DLGAP4: variants seen among roughly 807,000 people sequenced by gnomAD.
The protein encoded by DLGAP4 is DLG associated protein 4, also known as disks large-associated protein 4.
DLGAP4 carries 18 observed loss-of-function variants against 86.9 expected under a neutral mutation model. The observed-to-expected ratio is 0.21, with a 90% confidence interval of 0.14 to 0.31. The LOEUF is 0.31. Among genes scored for constraint, DLGAP4 ranks in the 10% least tolerant of loss-of-function variants. The pLI is 1.00. For missense variants in DLGAP4, 1,085 were observed against 1,362.6 expected (o/e 0.80, Z 3.21); for synonymous variants, 548 against 574.3 (o/e 0.95, Z 0.65).
intron 1 of DLGAP4, among the ~76,000 whole-genome samples, chr20:36,321,586 A>AGCGC (rs1215184478): frequency 2.6e-5 from 4 of 152,260 alleles, no homozygotes; most frequent in African/African-American, 9.6e-5. Context: ...CGCCCGCCTC[A>AGCGC]GCGCGTTTCA....
In DLGAP4 at chr20:36,523,804, C is replaced by T. The variant is rs565876988; in HGVS notation, c.2513-446C>T. 1.4e-4 allele frequency among the ~76,000 whole-genome samples: 22 copies of T among 152,308 alleles called. 1 individual carries two copies. Among genetic ancestry groups the T allele is most frequent in the African/African-American group, 4.8e-4 (20 of 41,564 alleles). ...TCAGCCTCCTGAGTAGCTGGGATTA[C>T]AGGCATCTGCCATTATGTCCGGCTA... On this transcript the variant is annotated intron_variant, in intron 10 of 12. Coordinates refer to ENST00000339266, the MANE Select transcript of DLGAP4 (RefSeq NM_001365621.2).
In DLGAP4 at chr20:36,480,065, G is replaced by A. The variant is rs115232553; in HGVS notation, c.1649-16640G>A. On this transcript the variant is annotated intron_variant, in intron 7 of 12. Transcript: ENST00000339266. ...CCTAGGGCAATAGACAGGGCAAGCC[G>A]CATTATTCTCATTTTATAGATGGGA... Among the ~76,000 whole-genome samples, 666 of 152,232 alleles carry A rather than the reference G, an allele frequency of 4.4e-3. 7 individuals carry two copies. Among genetic ancestry groups the A allele is most frequent in the African/African-American group, 0.015 (606 of 41,530 alleles).
intron 1 of DLGAP4, among the ~76,000 whole-genome samples, chr20:36,326,093 A>G (rs782672496): frequency 6.6e-6 from 1 of 152,048 alleles, no homozygotes; most frequent in Non-Finnish European, 1.5e-5. Flanking sequence ...ATATTTTTTC[A>G]TCCTTTTACT....
intron 7 of DLGAP4, among the ~76,000 whole-genome samples, chr20:36,481,434 CTT>C (rs1227412783): frequency 1.3e-5 from 2 of 152,182 alleles, no homozygotes; most frequent in African/African-American, 2.4e-5. Flanking sequence ...CCATCCCTCA[CTT>C]TACGCTAAGC....
chr20:36,443,645 G>T (rs1348731269), intron 6 of DLGAP4, among the ~76,000 whole-genome samples: 2 of 152,074 alleles, frequency 1.3e-5, no homozygotes, highest in East Asian at 3.9e-4. Context: ...ATAGGCGAGT[G>T]GTAAGGATGT....
At chr20:36,484,494 A>T (rs1212341835) in intron 7 of DLGAP4, among the ~76,000 whole-genome samples, 6 of 152,258 alleles carry the variant, frequency 3.9e-5, no homozygotes, top group Non-Finnish European at 8.8e-5. Flanking sequence ...GGTCCCTCTC[A>T]GGCCTCTGCT....
intron 1 of DLGAP4, among the ~76,000 whole-genome samples, chr20:36,328,099 T>C (rs1025192867): frequency 2.0e-5 from 3 of 151,938 alleles, no homozygotes; most frequent in Non-Finnish European, 4.4e-5. Context: ...CTCAGGAGGC[T>C]GAGGCAGGAG....
chr20:36,346,711 A>T (rs1555893034), intron 1 of DLGAP4, among the ~76,000 whole-genome samples: 3 of 150,692 alleles, frequency 2.0e-5, no homozygotes. Context: ...GTGTTTTAGG[A>T]CCCATTTTTT....
chr20:36,509,002 G>C (rs918857153), intron 10 of DLGAP4, among the ~76,000 whole-genome samples: 5 of 152,228 alleles, frequency 3.3e-5, no homozygotes, highest in Non-Finnish European at 5.9e-5. Context: ...ATTAAAACCA[G>C]TTGATTTATT....
Position 36,483,833 on chromosome 20 carries a change from C to T in DLGAP4, c.1649-12872C>T, listed in dbSNP as rs921162837. Among the ~76,000 whole-genome samples, 4 of 152,208 alleles carry T rather than the reference C, an allele frequency of 2.6e-5. No homozygotes were observed. In the East Asian group the frequency reaches 7.7e-4, roughly 29 times the overall value. ...GTTCTGCACCAGCGGTCACCAGGCC[C>T]CTGTCCTCATGGTCAGCAGAGCCAG... On this transcript the variant is annotated intron_variant, in intron 7 of 12. Coordinates refer to ENST00000339266, the MANE Select transcript of DLGAP4 (RefSeq NM_001365621.2).
chr20:36,441,156 G>T (rs1210538794), intron 5 of DLGAP4, among the ~76,000 whole-genome samples: 2 of 152,092 alleles, frequency 1.3e-5, no homozygotes, highest in African/African-American at 4.8e-5. Context: ...ACCTCCCCCT[G>T]AGGGAAAGCC....
At chr20:36,482,853 G>A (rs1425076790) in intron 7 of DLGAP4, among the ~76,000 whole-genome samples, 1 of 152,012 alleles carries the variant, frequency 6.6e-6, no homozygotes, top group East Asian at 1.9e-4. Flanking sequence ...TGTATTTTTA[G>A]TAGAGACAGG....
intron 4 of DLGAP4, among the ~76,000 whole-genome samples, chr20:36,439,466 C>T (rs908341554): frequency 3.9e-5 from 6 of 152,196 alleles, no homozygotes; most frequent in Non-Finnish European, 8.8e-5. Context: ...ACTCGAACAT[C>T]GCAGCAGAGC....
intron 2 of DLGAP4, among the ~76,000 whole-genome samples, chr20:36,416,100 A>C (rs949178803): frequency 2.0e-5 from 3 of 152,122 alleles, no homozygotes; most frequent in African/African-American, 7.2e-5. Context: ...TCATTATCTA[A>C]GCCATGACTT....
chr20:36,405,404 A>G (rs2032288590), intron 2 of DLGAP4, among the ~76,000 whole-genome samples: 1 of 152,218 alleles, frequency 6.6e-6, no homozygotes, highest in Non-Finnish European at 1.5e-5. Context: ...TGCTTAGAAC[A>G]GAGTCTGATA....
chr20:36,462,310 C>G, intron 7 of DLGAP4: 1 of 1,345,150 alleles, frequency 7.4e-7, no homozygotes, highest in Non-Finnish European at 9.5e-7. Flanking sequence ...CTCCGAGCAC[C>G]CCCACTTCTC....
chr20:36,338,433 G>A (rs1468374886), intron 1 of DLGAP4, among the ~76,000 whole-genome samples: 1 of 152,196 alleles, frequency 6.6e-6, no homozygotes, highest in Non-Finnish European at 1.5e-5. Flanking sequence ...TTGGCCAGGT[G>A]TGGTGGCGCA....
chr20:36,382,079 A>G lies in DLGAP4; in HGVS notation c.-73+14804A>G, dbSNP rs568695262. 2.6e-5 allele frequency among the ~76,000 whole-genome samples: 4 copies of G among 152,336 alleles called. No individual in the cohort carries two copies. The South Asian group carries it at 6.2e-4, about 24-fold the overall frequency. Reference sequence around the variant, plus strand: ...GTGAATGGGCTGTGCTGGGTACCCCAAGGTGAGAAGTGAGGATGATTGCAA... The same window carrying G: ...GTGAATGGGCTGTGCTGGGTACCCCGAGGTGAGAAGTGAGGATGATTGCAA... On this transcript the variant is annotated intron_variant, in intron 2 of 12. Transcript: ENST00000339266.
chr20:36,322,314 G>A (rs1555890618), intron 1 of DLGAP4, among the ~76,000 whole-genome samples: 1 of 152,198 alleles, frequency 6.6e-6, no homozygotes, highest in East Asian at 1.9e-4. Context: ...GAGGACAGGT[G>A]AAGCACTAGA....
Sources: allele counts gnomAD v4.1 joint callset (sites outside exome capture counted in the v4.1 genomes callset), GRCh38; gene constraint gnomAD v4.1.1; transcripts MANE v1.5; gene names NCBI Gene and HGNC (gene_info 2026-07-23, HGNC 2026-07-21).